The following DOCK11 variants were observed in gnomAD, a reference collection of about 807,000 sequenced individuals.
DOCK11 encodes dedicator of cytokinesis 11, also known as dedicator of cytokinesis protein 11.
A neutral mutation model predicts 169.1 loss-of-function variants in DOCK11; 70 were observed. The observed-to-expected ratio is 0.41, with a 90% CI of 0.34 to 0.51. DOCK11 has a LOEUF of 0.51. Ranked by LOEUF, DOCK11 falls within the 20% of genes least tolerant of loss-of-function variation. The pLI is 0.10. For synonymous variants in DOCK11, 529 were observed against 541.3 expected (o/e 0.98, Z 0.32); for missense variants, 1,166 against 1,538.8 (o/e 0.76, Z 4.05).
chrX:118,518,525 A>C (rs980202088), intron 1 of DOCK11, among the ~76,000 whole-genome samples: 2 of 111,937 alleles, frequency 1.8e-5, no homozygotes, highest in African/African-American at 6.5e-5. Flanking sequence ...CCTGGGCGAC[A>C]TAGTGAGACC....
At chrX:118,627,940 A>T (rs1354301837) in intron 33 of DOCK11, among the ~76,000 whole-genome samples, 1 of 112,101 alleles carries the variant, frequency 8.9e-6, no homozygotes, top group Non-Finnish European at 1.9e-5. Context: ...CTTCCAAGGA[A>T]TTTCTTGTCA....
chrX:118,669,520 G>C (rs1310276339), intron 45 of DOCK11, among the ~76,000 whole-genome samples: 1 of 111,686 alleles, frequency 9.0e-6, no homozygotes, highest in Non-Finnish European at 1.9e-5. Context: ...GCCCTTACGT[G>C]ATGGAAGGGG....
intron 31 of DOCK11, among the ~76,000 whole-genome samples, chrX:118,622,900 G>A (rs1470523095): frequency 8.9e-6 from 1 of 111,996 alleles, no homozygotes; most frequent in East Asian, 2.8e-4. Flanking sequence ...TGACACCAAA[G>A]TCATGGAACA....
At position 118,605,326 on chromosome X, in the gene DOCK11, A is replaced by G. The variant is rs1795425631; in HGVS notation, c.2651A>G (p.His884Arg). 1 of 1,195,783 alleles carries G rather than the reference A, an allele frequency of 8.4e-7. No individual in the cohort carries two copies. Among genetic ancestry groups the G allele is most frequent in the Non-Finnish European group, 1.1e-6 (1 of 885,543 alleles). The change falls in exon 24 of 53, where the codon CAT becomes CGT. Residue 884 changes from histidine (H) to arginine (R), a missense_variant. By Grantham distance (29) the His-to-Arg change is conservative. Coordinates refer to ENST00000276202, the MANE Select transcript of DOCK11 (RefSeq NM_144658.4). ...QLFRVLTNMT[H>R]EDDVPINCTM... ...TTCCGAGTTCTCACAAATATGACCC[A>G]TGAAGATGACGTTCCTATCAACTGC...
At chrX:118,522,607 G>A (rs1019709834) in intron 1 of DOCK11, among the ~76,000 whole-genome samples, 3 of 111,583 alleles carry the variant, frequency 2.7e-5, no homozygotes, top group African/African-American at 9.8e-5. Context: ...ATTCAGCTGG[G>A]GGTTGCTGTC....
At chrX:118,596,630 GAA>G (rs1427054107) in intron 20 of DOCK11, among the ~76,000 whole-genome samples, 1 of 112,063 alleles carries the variant, frequency 8.9e-6, no homozygotes, top group Admixed American at 9.5e-5. Flanking sequence ...TTCTATAATG[GAA>G]ATACTGACAC....
intron 23 of DOCK11, among the ~76,000 whole-genome samples, chrX:118,600,832 TG>T (rs1404633520): frequency 9.1e-6 from 1 of 110,438 alleles, no homozygotes; most frequent in Non-Finnish European, 1.9e-5. Context: ...GAGCTTGGCT[TG>T]GTGTGTTTGG....
intron 35 of DOCK11, among the ~76,000 whole-genome samples, chrX:118,632,209 T>C (rs2015261601): frequency 8.9e-6 from 1 of 111,783 alleles, no homozygotes; most frequent in African/African-American, 3.3e-5. Flanking sequence ...CACCTCGGCC[T>C]CCCAAAGTGC....
At chrX:118,660,937 G>T (rs2016198352) in intron 44 of DOCK11, among the ~76,000 whole-genome samples, 1 of 110,684 alleles carries the variant, frequency 9.0e-6, no homozygotes, top group Non-Finnish European at 1.9e-5. Context: ...GCCAGGCGTA[G>T]TGGCTCACGC....
chrX:118,625,700 CTG>C (rs1185060050), intron 32 of DOCK11, among the ~76,000 whole-genome samples: 1 of 111,879 alleles, frequency 8.9e-6, no homozygotes, highest in Admixed American at 9.5e-5. Context: ...GGGGACTAAA[CTG>C]TATTCCTTTG....
chrX:118,575,633 G>A (rs1361223412), intron 12 of DOCK11, among the ~76,000 whole-genome samples: 2 of 112,110 alleles, frequency 1.8e-5, no homozygotes, highest in Non-Finnish European at 3.8e-5. Context: ...TCCCCTGATA[G>A]CCCCTTAGCT....
At chrX:118,505,023 T>C (rs2057601502) in intron 1 of DOCK11, among the ~76,000 whole-genome samples, 1 of 111,983 alleles carries the variant, frequency 8.9e-6, no homozygotes, top group Non-Finnish European at 1.9e-5. Flanking sequence ...AAATGAGTTA[T>C]TTGTTTTGTT....
At chrX:118,674,237 G>A (rs775088105) in intron 46 of DOCK11, among the ~76,000 whole-genome samples, 18 of 110,851 alleles carry the variant, frequency 1.6e-4, no homozygotes, top group African/African-American at 5.6e-4. Context: ...CGCAACCTCC[G>A]CCTCCTGGGT....
intron 7 of DOCK11, 77 bp from the exon 8 acceptor site, chrX:118,565,928 A>C (rs2013064579): frequency 9.8e-7 from 1 of 1,016,283 alleles, no homozygotes; most frequent in East Asian, 3.0e-5. Flanking sequence ...CTGAGATAAA[A>C]ATAAATATAA....
At chrX:118,609,427 C>A in intron 27 of DOCK11, 78 bp downstream of exon 27, 2 of 755,884 alleles carry the variant, frequency 2.6e-6, no homozygotes, top group Non-Finnish European at 1.9e-6. Context: ...TTGATGGAGA[C>A]AAAAAAAGCT....
At chrX:118,596,935 A>G (rs934973322) in intron 20 of DOCK11, among the ~76,000 whole-genome samples, 4 of 111,623 alleles carry the variant, frequency 3.6e-5, no homozygotes, top group African/African-American at 1.3e-4. Context: ...AATTTTCCAT[A>G]GTTCCTTACC....
intron 6 of DOCK11, among the ~76,000 whole-genome samples, chrX:118,546,494 C>A (rs768549444): frequency 1.8e-5 from 2 of 111,643 alleles, no homozygotes; most frequent in South Asian, 7.4e-4. Context: ...ACATATTAGT[C>A]ACTGTGGGGA....
chrX:118,634,723 A>G (rs1381200482), intron 35 of DOCK11, among the ~76,000 whole-genome samples: 1 of 111,648 alleles, frequency 9.0e-6, no homozygotes. Context: ...CTTGATATAT[A>G]TTTTTTTAAT....
chrX:118,625,193 C>T (rs189746389), intron 32 of DOCK11, among the ~76,000 whole-genome samples: 178 of 108,316 alleles, frequency 1.6e-3, no homozygotes, highest in African/African-American at 5.7e-3. Context: ...CTCGCTCTGT[C>T]GCCCAGGCTG....
Sources: gnomAD v4.1 joint callset for allele counts (sites outside exome capture counted in the v4.1 genomes callset) on GRCh38, gnomAD v4.1.1 for gene constraint, MANE v1.5 for transcripts, NCBI Gene and HGNC (gene_info 2026-07-23, HGNC 2026-07-21) for gene names.